POFUT3: variants seen among roughly 807,000 people sequenced by gnomAD.
POFUT3 encodes GDP-fucose protein O-fucosyltransferase 3.
chr8:33,351,712 A>C, the POFUT3 span, among the ~76,000 whole-genome samples: 1 of 152,204 alleles, frequency 6.6e-6, no homozygotes, highest in Non-Finnish European at 1.5e-5. Flanking sequence ...GTAGCAACAC[A>C]AAAGGACTAA....
chr8:33,402,287 CT>C, the POFUT3 span, among the ~76,000 whole-genome samples: 1 of 152,080 alleles, frequency 6.6e-6, no homozygotes, highest in Non-Finnish European at 1.5e-5. Flanking sequence ...CAACCGAATG[CT>C]TTTTTTGAAA....
chr8:33,329,367 A>G, the POFUT3 span, among the ~76,000 whole-genome samples: 12 of 152,368 alleles, frequency 7.9e-5, no homozygotes, highest in Middle Eastern at 3.4e-3. Context: ...ATTTCCAGAA[A>G]GCTAAGCACT....
At chr8:33,449,948 T>G in the POFUT3 span, among the ~76,000 whole-genome samples, 1 of 148,646 alleles carries the variant, frequency 6.7e-6, no homozygotes, top group Non-Finnish European at 1.5e-5. Context: ...TTTTTTTTTT[T>G]TTTTTTTGAG....
At chr8:33,411,651 G>A in the POFUT3 span, among the ~76,000 whole-genome samples, 1 of 152,056 alleles carries the variant, frequency 6.6e-6, no homozygotes, top group African/African-American at 2.4e-5. Context: ...AGCCAGGTGT[G>A]GGTGACACAT....
chr8:33,333,891 G>A, the POFUT3 span, among the ~76,000 whole-genome samples: 18 of 152,288 alleles, frequency 1.2e-4, no homozygotes, highest in African/African-American at 4.3e-4. Context: ...GTGAGGAAGG[G>A]AAGTGGCAAG....
At chr8:33,382,187 G>A in the POFUT3 span, among the ~76,000 whole-genome samples, 1 of 152,050 alleles carries the variant, frequency 6.6e-6, no homozygotes, top group African/African-American at 2.4e-5. Flanking sequence ...AGCTACTCGG[G>A]AGTCTGAGGT....
At chr8:33,459,805 T>C in the POFUT3 span, among the ~76,000 whole-genome samples, 4 of 152,184 alleles carry the variant, frequency 2.6e-5, no homozygotes, top group Non-Finnish European at 4.4e-5. Flanking sequence ...ACACCTGTAA[T>C]GCCAGCATTT....
the POFUT3 span, among the ~76,000 whole-genome samples, chr8:33,363,130 C>T: frequency 1.3e-5 from 2 of 152,288 alleles, no homozygotes; most frequent in South Asian, 2.1e-4. Context: ...CAAAACCGCA[C>T]AACTACATGG....
the POFUT3 span, among the ~76,000 whole-genome samples, chr8:33,370,169 T>TAAAAA: frequency 8.5e-4 from 34 of 39,896 alleles, 8 homozygotes; most frequent in Non-Finnish European, 1.5e-3. Flanking sequence ...CCATCTTTAC[T>TAAAAA]AAAAAAAAAA....
At chr8:33,405,446 A>T in the POFUT3 span, among the ~76,000 whole-genome samples, 7 of 152,200 alleles carry the variant, frequency 4.6e-5, no homozygotes, top group Admixed American at 1.3e-4. Flanking sequence ...TCATTAAAAA[A>T]TGATGAAGCT....
chr8:33,447,777 T>A, the POFUT3 span, among the ~76,000 whole-genome samples: 2 of 152,200 alleles, frequency 1.3e-5, no homozygotes, highest in African/African-American at 4.8e-5. Flanking sequence ...CCTTTATCCT[T>A]AATTAGGTCA....
chr8:33,330,537 C>T, the POFUT3 span, among the ~76,000 whole-genome samples: 3 of 152,114 alleles, frequency 2.0e-5, no homozygotes, highest in Admixed American at 6.5e-5. Context: ...GGAAAAGTGC[C>T]TCACACATTG....
At chr8:33,379,844 A>T in the POFUT3 span, among the ~76,000 whole-genome samples, 41 of 44,972 alleles carry the variant, frequency 9.1e-4, no homozygotes, top group Admixed American at 2.8e-3. Flanking sequence ...TAAAAAAAAA[A>T]AAATATATAT....
chr8:33,381,463 G>C, the POFUT3 span, among the ~76,000 whole-genome samples: 33,376 of 152,058 alleles, frequency 0.22, 4,063 homozygotes, highest in South Asian at 0.46. Context: ...CTGACATCAT[G>C]ATACAGGAAG....
the POFUT3 span, among the ~76,000 whole-genome samples, chr8:33,358,285 A>T: frequency 3.3e-3 from 504 of 152,252 alleles, 3 homozygotes; most frequent in African/African-American, 0.011. Flanking sequence ...TTAAAAAGGG[A>T]TATTCTGTAA....
the POFUT3 span, among the ~76,000 whole-genome samples, chr8:33,415,477 A>G: frequency 6.6e-6 from 1 of 152,112 alleles, no homozygotes; most frequent in Non-Finnish European, 1.5e-5. Flanking sequence ...AAGGAGGGGT[A>G]GAGGTGAAAA....
At chr8:33,330,827 C>A in the POFUT3 span, among the ~76,000 whole-genome samples, 1 of 152,236 alleles carries the variant, frequency 6.6e-6, no homozygotes, top group East Asian at 1.9e-4. Context: ...CCTTCCCAGG[C>A]GTGCCATGGT....
the POFUT3 span, among the ~76,000 whole-genome samples, chr8:33,438,240 T>C: frequency 6.6e-6 from 1 of 152,138 alleles, no homozygotes; most frequent in Non-Finnish European, 1.5e-5. Flanking sequence ...AGTACATATA[T>C]ACACCTGTAT....
chr8:33,405,972 A>C, the POFUT3 span, among the ~76,000 whole-genome samples: 1 of 152,212 alleles, frequency 6.6e-6, no homozygotes, highest in East Asian at 1.9e-4. Flanking sequence ...TAGCTTTTTC[A>C]GAGACCAAGT....
Sources: allele counts gnomAD v4.1 joint callset (sites outside exome capture counted in the v4.1 genomes callset), GRCh38; gene constraint gnomAD v4.1.1; transcripts MANE v1.5; gene names NCBI Gene and HGNC (gene_info 2026-07-23, HGNC 2026-07-21).